ARAP2: variants seen among roughly 807,000 people sequenced by gnomAD.
The protein encoded by ARAP2 is ArfGAP with RhoGAP domain, ankyrin repeat and PH domain 2, also known as arf-GAP with Rho-GAP domain, ANK repeat and PH domain-containing protein 2.
In ARAP2, 148 loss-of-function variants were observed where a neutral mutation model predicts 194.5. The observed-to-expected ratio is 0.76, with a 90% CI of 0.67 to 0.87. ARAP2 has a LOEUF of 0.87. ARAP2 is among the 40% of genes least tolerant of loss of function. The pLI, the probability that ARAP2 is intolerant of heterozygous loss-of-function variation, is 0.00. For synonymous variants in ARAP2, 695 were observed against 683.5 expected (o/e 1.02, Z -0.26); for missense variants, 2,128 against 1,989.7 (o/e 1.07, Z -1.32).
chr4:36,216,297 T>C (rs906913765), intron 2 of ARAP2, among the ~76,000 whole-genome samples: 18 of 152,148 alleles, frequency 1.2e-4, no homozygotes, highest in African/African-American at 4.3e-4. Flanking sequence ...ATGCAAATAG[T>C]TGTATCACAA....
intron 27 of ARAP2, among the ~76,000 whole-genome samples, chr4:36,097,183 T>C (rs764976220): frequency 1.1e-4 from 17 of 152,080 alleles, no homozygotes; most frequent in Non-Finnish European, 2.4e-4. Context: ...TTAACAATCA[T>C]TGTATGTGAT....
intron 30 of ARAP2, among the ~76,000 whole-genome samples, chr4:36,081,629 G>A (rs536488240): frequency 4.9e-4 from 75 of 152,172 alleles, no homozygotes; most frequent in African/African-American, 1.8e-3. Context: ...TCAGTGGAGA[G>A]GTGGAGAATG....
intron 3 of ARAP2, among the ~76,000 whole-genome samples, chr4:36,051,726 CT>C (rs1405076776): frequency 6.6e-6 from 1 of 152,102 alleles, no homozygotes; most frequent in Non-Finnish European, 1.5e-5. Flanking sequence ...CTTGCTTTAA[CT>C]TAGTTAAAAT....
At chr4:36,032,656 GATTTT>G (rs948184489) in intron 5 of ARAP2, among the ~76,000 whole-genome samples, 108 of 152,216 alleles carry the variant, frequency 7.1e-4, no homozygotes, top group African/African-American at 2.2e-3. Context: ...CCTTATGACA[GATTTT>G]ATTTTATTTT....
chr4:36,107,734 G>T, intron 26 of ARAP2, 41 bp from the exon 27 acceptor site: 1 of 1,529,242 alleles, frequency 6.5e-7, no homozygotes, highest in South Asian at 1.3e-5. Flanking sequence ...AAATATATGA[G>T]GATAACAATT....
intron 12 of ARAP2, 134 bp from the exon 13 acceptor site, chr4:36,160,775 T>C: frequency 1.4e-6 from 1 of 737,252 alleles, no homozygotes; most frequent in Non-Finnish European, 1.9e-6. Context: ...AAGACTCAAC[T>C]ATTCCAGAAA....
At chr4:36,056,200 A>G (rs1723479520) in intron 2 of ARAP2, among the ~76,000 whole-genome samples, 1 of 152,218 alleles carries the variant, frequency 6.6e-6, no homozygotes, top group South Asian at 2.1e-4. Flanking sequence ...TGTATAAAGT[A>G]TGTGGGGTAT....
At chr4:36,058,937 G>A (rs925583737) in intron 1 of ARAP2, among the ~76,000 whole-genome samples, 1 of 152,132 alleles carries the variant, frequency 6.6e-6, no homozygotes, top group Non-Finnish European at 1.5e-5. Context: ...CTGGCAAGGA[G>A]ACATTCAAGG....
At chr4:36,072,081 G>A (rs1727114786) in intron 32 of ARAP2, among the ~76,000 whole-genome samples, 1 of 151,872 alleles carries the variant, frequency 6.6e-6, no homozygotes, top group South Asian at 2.1e-4. Context: ...TATTATGGCA[G>A]ATATTTTCAT....
At chr4:36,156,341 G>GAC (rs1732321814) in intron 15 of ARAP2, among the ~76,000 whole-genome samples, 1 of 19,028 alleles carries the variant, frequency 5.3e-5, no homozygotes, top group African/African-American at 1.8e-4. Flanking sequence ...GGGAGGGAAA[G>GAC]AGAGAGAGAG....
At chr4:36,013,250 G>A (rs558354610) in intron 8 of ARAP2, among the ~76,000 whole-genome samples, 67 of 152,244 alleles carry the variant, frequency 4.4e-4, no homozygotes, top group African/African-American at 1.6e-3. Flanking sequence ...AATTTTATAC[G>A]GTGGCTTCTA....
At chr4:36,219,227 A>G (rs190741503) in intron 2 of ARAP2, among the ~76,000 whole-genome samples, 137 of 152,350 alleles carry the variant, frequency 9.0e-4, no homozygotes, top group South Asian at 1.9e-3. Context: ...CTAGGTCTGT[A>G]CTCAACGGCC....
At chr4:36,121,739 A>G (rs1403825133) in intron 22 of ARAP2, among the ~76,000 whole-genome samples, 1 of 151,738 alleles carries the variant, frequency 6.6e-6, no homozygotes, top group African/African-American at 2.4e-5. Context: ...GTAGGTCATT[A>G]GACATATAAT....
Position 36,124,982 on chromosome 4 carries a change from A to T in ARAP2, c.3641-15T>A. 1.3e-6 allele frequency: 2 copies of T among 1,524,122 alleles called. No homozygotes were observed. The highest frequency in any genetic ancestry group is 1.8e-6 in the Non-Finnish European group (2 of 1,101,314). 94.4% of individuals were successfully genotyped at this position (1,524,122 alleles called of 1,614,324 possible). A position where few individuals can be genotyped will look rare whatever the true frequency, so the allele number is the denominator to read the frequency against. On this transcript the variant is annotated splice_polypyrimidine_tract_variant and intron_variant, in intron 21 of 32. Transcript: ENST00000303965. ...ATCTTGCGTATCTGAAGGGGAAAAA[A>T]AAACAATCTTGAGATCTAAACTAAT...
At chr4:36,204,623 A>C (rs991491103) in intron 6 of ARAP2, among the ~76,000 whole-genome samples, 1 of 152,198 alleles carries the variant, frequency 6.6e-6, no homozygotes, top group Non-Finnish European at 1.5e-5. Context: ...ATTGATAGGT[A>C]TATTTATTTT....
At chr4:36,200,245 TTTTG>T (rs1744090278) in intron 6 of ARAP2, among the ~76,000 whole-genome samples, 4 of 151,800 alleles carry the variant, frequency 2.6e-5, no homozygotes, top group Admixed American at 6.6e-5. Flanking sequence ...CTTTTTTTAT[TTTTG>T]TTTATTTATT....
chr4:36,062,218 G>T (rs1469182988), downstream of ARAP2, among the ~76,000 whole-genome samples: 1 of 152,066 alleles, frequency 6.6e-6, no homozygotes, highest in African/African-American at 2.4e-5. Flanking sequence ...AGAAATTTTT[G>T]CCCAGCCCGT....
intron 26 of ARAP2, among the ~76,000 whole-genome samples, 176 bp downstream of exon 26, chr4:36,113,994 T>C (rs1168899017): frequency 6.6e-6 from 1 of 151,970 alleles, no homozygotes; most frequent in Non-Finnish European, 1.5e-5. Flanking sequence ...GGTAATATAA[T>C]TATTTTGATG....
intron 28 of ARAP2, among the ~76,000 whole-genome samples, chr4:36,090,644 G>A (rs960284543): frequency 6.6e-6 from 1 of 152,074 alleles, no homozygotes; most frequent in Admixed American, 6.6e-5. Context: ...ATTATCGTTG[G>A]CAAACTAGCA....
Sources: allele counts gnomAD v4.1 joint callset (sites outside exome capture counted in the v4.1 genomes callset), GRCh38; gene constraint gnomAD v4.1.1; transcripts MANE v1.5; gene names NCBI Gene and HGNC (gene_info 2026-07-23, HGNC 2026-07-21).